The following TTC12 variants were observed in gnomAD, a reference collection of about 807,000 sequenced individuals.
TTC12 encodes tetratricopeptide repeat domain 12.
TTC12 carries 70 observed loss-of-function variants against 90.1 expected under a neutral mutation model. The observed-to-expected ratio is 0.78, with a 90% CI of 0.64 to 0.95. The LOEUF (loss-of-function observed/expected upper bound fraction) is 0.95, where lower values mean the gene tolerates loss of function less well. TTC12 is among the 40% of genes least tolerant of loss of function. The pLI is 0.00. For synonymous variants in TTC12, 296 were observed against 311.5 expected, an observed-to-expected ratio of 0.95 and a Z score of 0.53; for missense variants, 819 against 846.1, an observed-to-expected ratio of 0.97 and a Z score of 0.40.
Position 113,365,613 on chromosome 11 carries a change from C to A in TTC12, c.2042+553C>A, listed in dbSNP as rs556063107. ...AAGAGATGTGGGCTGTAACTGTGCC[C>A]ATGGCTTCTCTGTTAGCTCAGACCT... On this transcript the variant is annotated intron_variant, in intron 21 of 21. Transcript: ENST00000529221. 16 of 178,316 alleles carry A rather than the reference C, an allele frequency of 9.0e-5. No homozygotes were observed. In the South Asian group the frequency reaches 2.0e-3, roughly 23 times the overall value. 11.0% of individuals were successfully genotyped at this position (178,316 alleles called of 1,614,324 possible). A position where few individuals can be genotyped will look rare whatever the true frequency, so the allele number is the denominator to read the frequency against.
At position 113,323,461 on chromosome 11, in the gene TTC12, T is replaced by C. The variant is rs782383036; in HGVS notation, c.222+10T>C. On this transcript the variant is annotated intron_variant, in intron 3 of 21. Coordinates refer to ENST00000529221, the MANE Select transcript of TTC12 (RefSeq NM_017868.4). ...ACAAACTGCTATGAAGGTTTCTTTTTCTATTGAGAAGTTATATAAGTACTT... is the reference window on the plus strand; with the variant it reads ...ACAAACTGCTATGAAGGTTTCTTTTCCTATTGAGAAGTTATATAAGTACTT... 2.6e-6 allele frequency: 4 copies of C among 1,555,608 alleles called. No individual in the cohort carries two copies. In the Admixed American group the frequency reaches 8.3e-5, roughly 32 times the overall value.
chr11:113,323,176 C>G, intron 2 of TTC12, 112 bp from the exon 3 acceptor site: 15 of 583,492 alleles, frequency 2.6e-5, no homozygotes, highest in East Asian at 1.8e-4. Context: ...CTTTCTATTG[C>G]TCTATTTTTT....
At chr11:113,339,572 C>T in intron 10 of TTC12, 98 bp downstream of exon 10, 1 of 1,113,628 alleles carries the variant, frequency 9.0e-7, no homozygotes, top group Non-Finnish European at 1.3e-6. Flanking sequence ...TCCCTTCCTT[C>T]CACAAATATT....
chr11:113,363,488 T>TGGGA, intron 19 of TTC12, among the ~76,000 whole-genome samples: 1 of 152,250 alleles, frequency 6.6e-6, no homozygotes, highest in East Asian at 1.9e-4. Context: ...GAAAATGACA[T>TGGGA]GGGAGGGCCT....
intron 13 of TTC12, among the ~76,000 whole-genome samples, chr11:113,348,670 T>C (rs999097406): frequency 5.3e-5 from 8 of 152,238 alleles, no homozygotes; most frequent in East Asian, 1.9e-4. Context: ...CTGAGAAATA[T>C]AATGGCTAGG....
At chr11:113,368,313 C>G, downstream of TTC12, 2 of 1,542,422 alleles carry the variant, frequency 1.3e-6, no homozygotes, top group Non-Finnish European at 1.7e-6. Context: ...TGGATCCACC[C>G]CCGCCACCGC....
In TTC12 at chr11:113,359,361, A is replaced by G. The variant is rs1555153754; in HGVS notation, c.1447-2A>G. 1 of 1,599,400 alleles carries G rather than the reference A, an allele frequency of 6.3e-7. No homozygotes were observed. Among genetic ancestry groups the G allele is most frequent in the East Asian group, 2.2e-5 (1 of 44,470 alleles). On this transcript the variant is annotated splice_acceptor_variant, in intron 16 of 21. Coordinates refer to ENST00000529221, the MANE Select transcript of TTC12 (RefSeq NM_017868.4). LOFTEE classifies it high-confidence loss of function. ...ATTGGTTACCTTGTTTTGTTTCCCA[A>G]GGCCAGGTGTGAGGAGGATGTGGAC...
chr11:113,344,352 A>G lies in TTC12; in HGVS notation c.1066A>G (p.Ile356Val). 1 of 1,614,220 alleles carries G rather than the reference A, an allele frequency of 6.2e-7. No homozygotes were observed. The highest frequency in any genetic ancestry group is 8.5e-7 in the Non-Finnish European group (1 of 1,180,024). The change falls in exon 13 of 22, where the codon ATC (isoleucine) becomes GTC (valine). Residue 356 changes from isoleucine (I) to valine (V), a missense_variant. Coordinates refer to ENST00000529221, the MANE Select transcript of TTC12 (RefSeq NM_017868.4). ...CCTCTTGTCCTCCAAGGTCCTGGCC[A>G]TCCGGCAGCAGAGCTTTGCCCTGCT... The part of the protein sequence containing the change: ...AALLSSKVLA[I>V]RQQSFALLLH...
downstream of TTC12, chr11:113,368,083 A>G (rs975402734): frequency 1.6e-5 from 15 of 953,360 alleles, no homozygotes; most frequent in African/African-American, 2.4e-4. Context: ...TTCCCCTGCT[A>G]TGGCTGCCCT....
intron 12 of TTC12, 46 bp from the exon 13 acceptor site, chr11:113,344,226 T>C (rs1022308420): frequency 1.5e-5 from 24 of 1,568,974 alleles, no homozygotes; most frequent in Non-Finnish European, 2.0e-5. Flanking sequence ...GCTAGTTTAA[T>C]TGCCATGATG....
At chr11:113,319,207 G>A (rs1344643251) in intron 2 of TTC12, among the ~76,000 whole-genome samples, 3 of 152,118 alleles carry the variant, frequency 2.0e-5, no homozygotes, top group South Asian at 2.1e-4. Flanking sequence ...CAGTCTAACC[G>A]TGAGAAAAAT....
At chr11:113,339,865 G>A (rs1317443182) in intron 10 of TTC12, among the ~76,000 whole-genome samples, 2 of 151,646 alleles carry the variant, frequency 1.3e-5, no homozygotes, top group East Asian at 3.9e-4. Flanking sequence ...CATATCCTGC[G>A]CACACTCCAC....
Position 113,343,520 on chromosome 11 carries a change from G to T in TTC12, c.986-752G>T, listed in dbSNP as rs1195711588. On this transcript the variant is annotated intron_variant, in intron 12 of 21. Coordinates refer to ENST00000529221, the MANE Select transcript of TTC12 (RefSeq NM_017868.4). ...GCTCTTTCAGGGCTAGAAGAGACCT[G>T]GTGTGTGTCTTCTACTGGATGCCGT... Among the ~76,000 whole-genome samples the T allele has an allele frequency of 2.6e-5, 4 of 152,288 alleles. No individual in the cohort carries two copies. The East Asian group carries it at 7.7e-4, about 29-fold the overall frequency.
intron 2 of TTC12, among the ~76,000 whole-genome samples, chr11:113,321,650 C>A (rs1947343976): frequency 6.6e-6 from 1 of 152,154 alleles, no homozygotes; most frequent in Non-Finnish European, 1.5e-5. Context: ...AGAGTGGAGC[C>A]TATTTCTCTG....
In TTC12 at chr11:113,362,475, G is replaced by T. The variant is rs373192130; in HGVS notation, c.1689G>T (p.Val563=). Residue 563 remains valine (V), a synonymous_variant, in exon 19 of 22, where the codon GTG becomes GTT. Transcript: ENST00000529221. ...TTGAGGAGGCCTTGCGAGCAGGAGT[G>T]GTAAAGAAAATGATGAAATTCCTGA... ...KIVEEALRAG[V]VKKMMKFLKT... is the part of the protein sequence containing the mutation. 11 of 1,613,380 alleles carry T rather than the reference G, an allele frequency of 6.8e-6. No individual in the cohort carries two copies. In the East Asian group the frequency reaches 2.2e-4, roughly 33 times the overall value.
At position 113,325,590 on chromosome 11, in the gene TTC12, G is replaced by T. The variant is rs1555140755; in HGVS notation, c.389G>T (p.Ser130Ile). The change falls in exon 6 of 22, where the codon AGT (serine) becomes ATT (isoleucine). Residue 130 changes from serine to isoleucine, a missense_variant. Transcript: ENST00000529221. ...TATGAAACAGCTATCCTGCGCTACAGTGAGGGTTTGGAGAAGCTGAAGGAC... is the reference window on the plus strand; with the variant it reads ...TATGAAACAGCTATCCTGCGCTACATTGAGGGTTTGGAGAAGCTGAAGGAC... Reference protein sequence around the residue: ...GNYETAILRYSEGLEKLKDMK... With the variant: ...GNYETAILRYIEGLEKLKDMK... The T allele has an allele frequency of 6.2e-7, 1 of 1,614,066 alleles. No homozygotes were observed. The highest frequency in any genetic ancestry group is 1.3e-5 in the African/African-American group (1 of 75,052).
chr11:113,352,684 A>G (rs1426525055), intron 16 of TTC12, among the ~76,000 whole-genome samples: 2 of 152,042 alleles, frequency 1.3e-5, no homozygotes, highest in African/African-American at 4.8e-5. Context: ...GCTCCCACTT[A>G]CAAGGAAGAA....
chr11:113,344,202 T>G, intron 12 of TTC12, 70 bp from the exon 13 acceptor site: 1 of 1,504,528 alleles, frequency 6.6e-7, no homozygotes, highest in Non-Finnish European at 9.1e-7. Context: ...CCCATTAGGA[T>G]AGAGGGTGAC....
At chr11:113,322,731 T>C (rs1442803597) in intron 2 of TTC12, among the ~76,000 whole-genome samples, 2 of 152,154 alleles carry the variant, frequency 1.3e-5, no homozygotes, top group Non-Finnish European at 2.9e-5. Flanking sequence ...TAATTGGAAT[T>C]ATGTAGAGCT....
Sources: gnomAD v4.1 joint callset for allele counts (sites outside exome capture counted in the v4.1 genomes callset) on GRCh38, gnomAD v4.1.1 for gene constraint, MANE v1.5 for transcripts, NCBI Gene and HGNC (gene_info 2026-07-23, HGNC 2026-07-21) for gene names.